The following EDARADD variants were observed in gnomAD, a reference collection of about 807,000 sequenced individuals.
EDARADD encodes EDAR associated via death domain, also known as ectodysplasin-A receptor-associated adapter protein.
A neutral mutation model predicts 25.6 loss-of-function variants in EDARADD; 20 were observed. The ratio of observed to expected loss-of-function variants is 0.78; its 90% CI spans 0.55 to 1.14. The LOEUF (loss-of-function observed/expected upper bound fraction) is 1.14. Among genes scored for constraint, EDARADD ranks in the 50% most tolerant of loss-of-function variants. EDARADD has a pLI of 0.00. For synonymous variants in EDARADD, 86 were observed against 94.4 expected (o/e 0.91, Z 0.52); for missense variants, 225 against 270.1 (o/e 0.83, Z 1.17).
At position 236,484,004 on chromosome 1, in the gene EDARADD, C is replaced by A. The variant is rs1198525577; in HGVS notation, c.*1355C>A. On this transcript the variant is annotated 3_prime_UTR_variant, in exon 6 of 6. Coordinates refer to ENST00000334232, the MANE Select transcript of EDARADD (RefSeq NM_145861.4). The surrounding 1 kb of genome is among the most constrained non-coding windows in gnomAD (Gnocchi z 4.1). ...CACCTGACTGTCTGGCTGACCTGTA[C>A]AAGTCCTTCATCAAAAACTACCCAG... 4.1e-5 allele frequency: 59 copies of A among 1,436,690 alleles called. No individual in the cohort carries two copies. Among genetic ancestry groups the A allele is most frequent in the Admixed American group, 1.0e-4 (6 of 59,534 alleles). 89.0% of individuals were successfully genotyped at this position (1,436,690 alleles called of 1,614,324 possible).
chr1:236,481,907 A>C (rs1018142327), intron 5 of EDARADD, among the ~76,000 whole-genome samples: 6 of 151,818 alleles, frequency 4.0e-5, no homozygotes, highest in Non-Finnish European at 7.4e-5. Context: ...AGGTCAGGAG[A>C]TCGAGACCAT....
intron 4 of EDARADD, among the ~76,000 whole-genome samples, chr1:236,455,209 T>TAAA (rs71178309): frequency 1.3e-3 from 188 of 147,656 alleles, no homozygotes; most frequent in African/African-American, 4.5e-3. Flanking sequence ...GGCTCTGTCT[T>TAAA]AAAAAAAAAA....
chr1:236,436,862 A>G (rs543667404), intron 4 of EDARADD, among the ~76,000 whole-genome samples: 12 of 152,304 alleles, frequency 7.9e-5, no homozygotes, highest in Admixed American at 2.0e-4. Context: ...TGCTCTGTTC[A>G]TACAGCAGGG....
In EDARADD at chr1:236,395,728, C is replaced by T; in HGVS notation, c.61+1223C>T. On this transcript the variant is annotated intron_variant, in intron 1 of 5. Coordinates refer to ENST00000334232, the MANE Select transcript of EDARADD (RefSeq NM_145861.4). The surrounding 1 kb of genome is among the most constrained non-coding windows in gnomAD (Gnocchi z 6.9). ...GCGGGGCGGGAGCTCGGGAGGCGCT[C>T]GCAGCAGCCGCAGGGCTATCGAGGC... is the stretch of plus-strand genomic sequence containing the variant. 6.6e-7 allele frequency: 1 copy of T among 1,519,368 alleles called. No homozygotes were observed. Among genetic ancestry groups the T allele is most frequent in the Non-Finnish European group, 8.8e-7 (1 of 1,139,626 alleles). 94.1% of individuals were successfully genotyped at this position (1,519,368 alleles called of 1,614,324 possible). A position where few individuals can be genotyped will look rare whatever the true frequency, so the allele number is the denominator to read the frequency against.
At chr1:236,371,578 T>C (rs1667172141) in intron 3 of EDARADD, among the ~76,000 whole-genome samples, 1 of 151,744 alleles carries the variant, frequency 6.6e-6, no homozygotes, top group Non-Finnish European at 1.5e-5. Flanking sequence ...GATTTTTTTT[T>C]TTTTTTTTGA....
At chr1:236,467,451 CACACAT>C (rs982349565) in intron 4 of EDARADD, among the ~76,000 whole-genome samples, 43 of 149,610 alleles carry the variant, frequency 2.9e-4, no homozygotes, top group East Asian at 1.8e-3. Context: ...CACACACACA[CACACAT>C]ACACACACCT....
chr1:236,398,469 A>G lies in EDARADD; in HGVS notation c.61+3964A>G, dbSNP rs1667559811. Among the ~76,000 whole-genome samples, 1 of 152,196 alleles carries G rather than the reference A, an allele frequency of 6.6e-6. No homozygotes were observed. Among genetic ancestry groups the G allele is most frequent in the African/African-American group, 2.4e-5 (1 of 41,460 alleles). Reference sequence around the variant, plus strand: ...CTTTGAATCCGGTGCTGGCTTTCCAACACTCCGACAGATCCTCAGTCCTTG... The same window carrying G: ...CTTTGAATCCGGTGCTGGCTTTCCAGCACTCCGACAGATCCTCAGTCCTTG... On this transcript the variant is annotated intron_variant, in intron 1 of 5. Coordinates refer to ENST00000334232, the MANE Select transcript of EDARADD (RefSeq NM_145861.4). The surrounding 1 kb of genome is among the most constrained non-coding windows in gnomAD (Gnocchi z 4.1).
chr1:236,405,119 TA>T (rs947647557), intron 1 of EDARADD, among the ~76,000 whole-genome samples: 2 of 152,022 alleles, frequency 1.3e-5, no homozygotes, highest in South Asian at 2.1e-4. Flanking sequence ...AATTAATTTT[TA>T]AAAAAAGACC....
chr1:236,364,770 T>A (rs1667092640), intron 3 of EDARADD, among the ~76,000 whole-genome samples: 1 of 152,240 alleles, frequency 6.6e-6, no homozygotes, highest in African/African-American at 2.4e-5. Flanking sequence ...ACTCACTTAT[T>A]AGTTCTAATA....
In EDARADD at chr1:236,427,470, T is replaced by C. The variant is rs778618951; in HGVS notation, c.219+20T>C. 6.2e-7 allele frequency: 1 copy of C among 1,606,294 alleles called. No homozygotes were observed. The highest frequency in any genetic ancestry group is 8.5e-7 in the Non-Finnish European group (1 of 1,174,754). ...AATCAGGTAAGAATAATTTCAACTA[T>C]ATTTTACCCTTAGGTACATGATAAT... On this transcript the variant is annotated intron_variant, in intron 4 of 5. Coordinates refer to ENST00000334232, the MANE Select transcript of EDARADD (RefSeq NM_145861.4).
At chr1:236,437,726 G>A (rs190320552) in intron 4 of EDARADD, among the ~76,000 whole-genome samples, 13 of 150,240 alleles carry the variant, frequency 8.7e-5, no homozygotes, top group East Asian at 1.9e-4. Flanking sequence ...TCAAGGTGTC[G>A]GCAGGGTTGG....
At chr1:236,435,399 G>T (rs562030514) in intron 4 of EDARADD, among the ~76,000 whole-genome samples, 1 of 152,344 alleles carries the variant, frequency 6.6e-6, no homozygotes, top group East Asian at 1.9e-4. Context: ...AGGGACTCCT[G>T]TGTCTTTTTG....
intron 1 of EDARADD, among the ~76,000 whole-genome samples, chr1:236,396,986 GA>G (rs1335192599): frequency 7.3e-6 from 1 of 137,682 alleles, no homozygotes; most frequent in Non-Finnish European, 1.6e-5. Flanking sequence ...GGGGGTGGGG[GA>G]ATTCAAAAAG....
At chr1:236,414,088 C>T (rs1008794987) in intron 2 of EDARADD, among the ~76,000 whole-genome samples, 172 bp from the exon 3 acceptor site, 5 of 152,296 alleles carry the variant, frequency 3.3e-5, no homozygotes, top group African/African-American at 1.2e-4. Flanking sequence ...TGATTTCATT[C>T]CTGTCGACTG....
At chr1:236,363,758 C>T (rs1367440581) in intron 3 of EDARADD, among the ~76,000 whole-genome samples, 1 of 152,014 alleles carries the variant, frequency 6.6e-6, no homozygotes, top group African/African-American at 2.4e-5. Context: ...TCCCCTTTTG[C>T]CTTCTGCCAC....
At chr1:236,415,411 C>T (rs1449655125) in intron 3 of EDARADD, among the ~76,000 whole-genome samples, 2 of 152,154 alleles carry the variant, frequency 1.3e-5, no homozygotes, top group South Asian at 2.1e-4. Flanking sequence ...CATAACCTCT[C>T]CTGCTGGGTG....
chr1:236,402,905 G>A (rs1667639668), intron 1 of EDARADD, among the ~76,000 whole-genome samples: 1 of 152,206 alleles, frequency 6.6e-6, no homozygotes, highest in Non-Finnish European at 1.5e-5. Context: ...TGTAAGCCAT[G>A]CCATGCAGAG....
chr1:236,484,152 T>C lies in EDARADD; in HGVS notation c.*1503T>C. 7.3e-7 allele frequency: 1 copy of C among 1,368,364 alleles called. No individual in the cohort carries two copies. The highest frequency in any genetic ancestry group is 1.0e-6 in the Non-Finnish European group (1 of 957,018). The allele number at this position is 1,368,364 out of a possible 1,614,324, so 84.8% of individuals were successfully genotyped here. ...AGTGACCAACCCAAAGAGGACAGCC[T>C]CGGCCGTGAATGAGAAGAAGTGCAA... On this transcript the variant is annotated 3_prime_UTR_variant, in exon 6 of 6. Coordinates refer to ENST00000334232, the MANE Select transcript of EDARADD (RefSeq NM_145861.4). The surrounding 1 kb of genome is among the most constrained non-coding windows in gnomAD (Gnocchi z 4.1).
intron 3 of EDARADD, among the ~76,000 whole-genome samples, chr1:236,362,395 G>T (rs1667061438): frequency 6.6e-6 from 1 of 152,134 alleles, no homozygotes; most frequent in African/African-American, 2.4e-5. Flanking sequence ...TAATTGTGCT[G>T]TTTGTTTTCT....
Sources: gnomAD v4.1 joint callset for allele counts (sites outside exome capture counted in the v4.1 genomes callset) on GRCh38, gnomAD v4.1.1 for gene constraint, Gnocchi (gnomAD v3.1) non-coding constraint, MANE v1.5 for transcripts, NCBI Gene and HGNC (gene_info 2026-07-23, HGNC 2026-07-21) for gene names.